PTPRD: variants seen among roughly 807,000 people sequenced by gnomAD.
The protein encoded by PTPRD is protein tyrosine phosphatase receptor type D, also known as receptor-type tyrosine-protein phosphatase delta.
A neutral mutation model predicts 214.5 loss-of-function variants in PTPRD; 34 were observed. The observed-to-expected ratio is 0.16, with a 90% CI of 0.12 to 0.21. The LOEUF (loss-of-function observed/expected upper bound fraction) is 0.21, where lower values mean the gene tolerates loss of function less well. Among genes scored for constraint, PTPRD ranks in the 10% least tolerant of loss-of-function variants. The pLI, the probability that PTPRD is intolerant of heterozygous loss-of-function variation, is 1.00. For synonymous variants in PTPRD, 1,128 were observed against 845.7 expected (o/e 1.33, Z -5.79); for missense variants, 2,545 against 2,398.7 (o/e 1.06, Z -1.27).
intron 3 of PTPRD, among the ~76,000 whole-genome samples, chr9:10,172,416 A>C (rs1034233471): frequency 1.8e-4 from 28 of 152,220 alleles, no homozygotes; most frequent in Non-Finnish European, 7.3e-5. Context: ...TTAATAATAC[A>C]AATTTATTTT....
intron 10 of PTPRD, among the ~76,000 whole-genome samples, chr9:9,182,436 G>A (rs2099928737): frequency 6.6e-6 from 1 of 151,940 alleles, no homozygotes; most frequent in African/African-American, 2.4e-5. Context: ...TAGAAAGTTT[G>A]TATTTAGAAA....
chr9:8,719,416 G>T (rs540348319), intron 12 of PTPRD, among the ~76,000 whole-genome samples: 5 of 152,310 alleles, frequency 3.3e-5, no homozygotes, highest in African/African-American at 1.2e-4. Context: ...ACAAAGCAAA[G>T]TGATAAAGGA....
chr9:8,885,488 CTT>C (rs35568734), intron 11 of PTPRD, among the ~76,000 whole-genome samples: 8,163 of 93,248 alleles, frequency 0.088, 169 homozygotes, highest in East Asian at 0.18. Context: ...CACACAGCCT[CTT>C]TTTTTTTTTT....
At chr9:10,154,023 T>A (rs2099078348) in intron 3 of PTPRD, among the ~76,000 whole-genome samples, 2 of 152,150 alleles carry the variant, frequency 1.3e-5, no homozygotes, top group Non-Finnish European at 2.9e-5. Flanking sequence ...CTGGGTGGAA[T>A]GGTAGTTCTG....
chr9:8,851,422 A>G (rs1417601806), intron 11 of PTPRD, among the ~76,000 whole-genome samples: 8 of 152,218 alleles, frequency 5.3e-5, no homozygotes, highest in African/African-American at 1.9e-4. Flanking sequence ...GTGCCATGCT[A>G]ATATGTACAG....
chr9:9,294,058 C>G (rs1374347581), intron 9 of PTPRD, among the ~76,000 whole-genome samples: 1 of 151,550 alleles, frequency 6.6e-6, no homozygotes, highest in South Asian at 2.1e-4. Flanking sequence ...GACCTGATAA[C>G]TAAGAAGGCT....
intron 9 of PTPRD, among the ~76,000 whole-genome samples, chr9:9,343,036 T>C (rs1192571198): frequency 6.6e-6 from 1 of 152,214 alleles, no homozygotes; most frequent in East Asian, 1.9e-4. Context: ...TCCAGCTTCA[T>C]CCATGTCCCT....
intron 11 of PTPRD, among the ~76,000 whole-genome samples, chr9:8,975,398 T>C (rs1244379339): frequency 6.6e-6 from 1 of 152,118 alleles, no homozygotes; most frequent in Non-Finnish European, 1.5e-5. Context: ...AAGCTGGTAA[T>C]ATATTATTCC....
intron 11 of PTPRD, among the ~76,000 whole-genome samples, chr9:8,943,234 T>C (rs10816014): frequency 0.12 from 18,370 of 152,092 alleles, 1,237 homozygotes; most frequent in South Asian, 0.2. Context: ...TCAATCTCTA[T>C]CAAAATACCA....
intron 8 of PTPRD, among the ~76,000 whole-genome samples, chr9:9,496,847 C>G (rs1332586328): frequency 6.6e-6 from 1 of 152,144 alleles, no homozygotes; most frequent in Non-Finnish European, 1.5e-5. Flanking sequence ...GTGGCAGCAA[C>G]TCAAGTGTCC....
Position 9,387,793 on chromosome 9 carries a change from G to A in PTPRD, c.-203+9656C>T, listed in dbSNP as rs142319414. On this transcript the variant is annotated intron_variant, in intron 9 of 45. Coordinates refer to ENST00000381196, the MANE Select transcript of PTPRD (RefSeq NM_002839.4). ...CAATCCTCTAGGGGAGCATACAGAT[G>A]GGCAGGCTGTGGGGCTCCGACCCTA... Among the ~76,000 whole-genome samples, 446 of 152,198 alleles carry A rather than the reference G, an allele frequency of 2.9e-3. 4 individuals are homozygous for A. Among genetic ancestry groups the A allele is most frequent in the African/African-American group, 0.01 (431 of 41,540 alleles).
At chr9:10,460,399 C>G (rs1315633189) in intron 2 of PTPRD, among the ~76,000 whole-genome samples, 2 of 149,808 alleles carry the variant, frequency 1.3e-5, no homozygotes, top group African/African-American at 4.9e-5. Context: ...TGTATGAAAC[C>G]ACAAAAGATC....
At chr9:10,016,996 G>C (rs1013563266) in intron 4 of PTPRD, among the ~76,000 whole-genome samples, 2 of 152,114 alleles carry the variant, frequency 1.3e-5, no homozygotes, top group African/African-American at 4.8e-5. Flanking sequence ...CTTTAGGATA[G>C]TAATGAGAAG....
At chr9:10,314,914 G>A (rs552799027) in intron 3 of PTPRD, among the ~76,000 whole-genome samples, 3 of 151,950 alleles carry the variant, frequency 2.0e-5, no homozygotes, top group Admixed American at 1.3e-4. Flanking sequence ...GTATTTGAGT[G>A]CTTGGTCATA....
intron 5 of PTPRD, among the ~76,000 whole-genome samples, chr9:9,927,792 T>C (rs989918275): frequency 1.3e-5 from 2 of 152,146 alleles, no homozygotes; most frequent in African/African-American, 4.8e-5. Context: ...GAGAGCCATC[T>C]TTTTCAGAGT....
intron 8 of PTPRD, among the ~76,000 whole-genome samples, chr9:9,398,160 TG>T (rs2068641045): frequency 6.6e-6 from 1 of 151,860 alleles, no homozygotes; most frequent in Admixed American, 6.6e-5. Flanking sequence ...TTACTTCATT[TG>T]CTCTGCCTCA....
At chr9:9,919,380 C>A (rs1566313367) in intron 5 of PTPRD, among the ~76,000 whole-genome samples, 1 of 152,102 alleles carries the variant, frequency 6.6e-6, no homozygotes, top group East Asian at 1.9e-4. Flanking sequence ...AGTCCCCCCA[C>A]AGGAAGGAAT....
Position 10,003,176 on chromosome 9 carries a change from C to T in PTPRD, c.-472+30542G>A, listed in dbSNP as rs566588732. On this transcript the variant is annotated intron_variant, in intron 4 of 45. Transcript: ENST00000381196. Reference sequence around the variant, plus strand: ...TTCCAGGCAGAAGGAAGAATAAAGCCAAATTATGGAATTGAAAGGATATGA... The same window carrying T: ...TTCCAGGCAGAAGGAAGAATAAAGCTAAATTATGGAATTGAAAGGATATGA... Among the ~76,000 whole-genome samples the T allele has an allele frequency of 2.7e-4, 41 of 151,702 alleles. No homozygotes were observed. The South Asian group carries it at 7.7e-3, about 28-fold the overall frequency.
intron 10 of PTPRD, among the ~76,000 whole-genome samples, chr9:9,045,914 G>C (rs777002324): frequency 5.3e-5 from 8 of 152,134 alleles, no homozygotes; most frequent in Non-Finnish European, 1.2e-4. Context: ...TCATTCCTCT[G>C]CTGAACACTC....
Sources: gnomAD v4.1 joint callset for allele counts (sites outside exome capture counted in the v4.1 genomes callset) on GRCh38, gnomAD v4.1.1 for gene constraint, MANE v1.5 for transcripts, NCBI Gene and HGNC (gene_info 2026-07-23, HGNC 2026-07-21) for gene names.